EVC2: variants seen among roughly 807,000 people sequenced by gnomAD.
EVC2 encodes the protein limbin.
EVC2 carries 148 observed loss-of-function variants against 149.3 expected under a neutral mutation model. The ratio of observed to expected loss-of-function variants is 0.99; its 90% confidence interval spans 0.87 to 1.14. The LOEUF (loss-of-function observed/expected upper bound fraction) is 1.14, where lower values mean the gene tolerates loss of function less well. Among genes scored for constraint, EVC2 ranks in the 50% most tolerant of loss-of-function variants. The pLI is 0.00. For synonymous variants in EVC2, 776 were observed against 649.9 expected (o/e 1.19, Z -2.95); for missense variants, 1,854 against 1,627.3 (o/e 1.14, Z -2.40).
rs1720709570 is a variant in EVC2 at position 5,686,325 on chromosome 4, T to C, written c.707-846A>G. Reference sequence around the variant, plus strand: ...CTCCTGCCTCAGCCTCCTGAGTAGCTGGGACTTTAGGTGTGGACCATGCTC... The same window carrying C: ...CTCCTGCCTCAGCCTCCTGAGTAGCCGGGACTTTAGGTGTGGACCATGCTC... On this transcript the variant is annotated intron_variant, in intron 5 of 21. Transcript: ENST00000344408. This position sits in a 1 kb window ranked among gnomAD's most constrained non-coding sequence, Gnocchi z 5.4. Among the ~76,000 whole-genome samples the C allele has an allele frequency of 6.6e-6, 1 of 152,182 alleles. No homozygotes were observed. The highest frequency in any genetic ancestry group is 2.4e-5 in the African/African-American group (1 of 41,454).
intron 5 of EVC2, among the ~76,000 whole-genome samples, chr4:5,687,769 G>C (rs1176837369): frequency 6.6e-6 from 1 of 152,162 alleles, no homozygotes; most frequent in African/African-American, 2.4e-5. Context: ...GACCATGAAA[G>C]GTCTGCGGGG....
Position 5,618,424 on chromosome 4 carries a change from G to A in EVC2, c.2706+54C>T. ...GAAGAGGCCAGACCCTGTAGGGCCA[G>A]CAGCTGGGAGACGGCCCTGCTTCTG... On this transcript the variant is annotated intron_variant, in intron 15 of 21. Coordinates refer to ENST00000344408, the MANE Select transcript of EVC2 (RefSeq NM_147127.5). The surrounding 1 kb of genome is among the most constrained non-coding windows in gnomAD (Gnocchi z 4.4). 6.2e-7 allele frequency: 1 copy of A among 1,603,132 alleles called. No homozygotes were observed. Among genetic ancestry groups the A allele is most frequent in the Non-Finnish European group, 8.5e-7 (1 of 1,172,492 alleles).
chr4:5,667,162 C>G (rs1181083085), intron 7 of EVC2, among the ~76,000 whole-genome samples: 2 of 151,920 alleles, frequency 1.3e-5, no homozygotes, highest in African/African-American at 2.4e-5. Context: ...CAAAGAAATA[C>G]ACACAGTATA....
At chr4:5,597,341 C>T (rs534104478) in intron 16 of EVC2, among the ~76,000 whole-genome samples, 1 of 152,336 alleles carries the variant, frequency 6.6e-6, no homozygotes, top group South Asian at 2.1e-4. Flanking sequence ...AAACCAAAGC[C>T]AGCAGCACAT....
At chr4:5,549,003 TC>T (rs1721680745) in intron 21 of EVC2, among the ~76,000 whole-genome samples, 1 of 132,726 alleles carries the variant, frequency 7.5e-6, no homozygotes, top group African/African-American at 2.8e-5. Flanking sequence ...CCTCCCTCCC[TC>T]CCTCCCTGAA....
chr4:5,708,735 C>G (rs1213188145), upstream of EVC2: 3 of 443,540 alleles, frequency 6.8e-6, no homozygotes, highest in African/African-American at 4.1e-5. Flanking sequence ...GCGGCCAGGC[C>G]TGGGTTTGCT....
chr4:5,604,952 T>G (rs577480056), intron 16 of EVC2, among the ~76,000 whole-genome samples: 59 of 151,794 alleles, frequency 3.9e-4, no homozygotes, highest in African/African-American at 1.4e-3. Context: ...TTCCTCTTAC[T>G]CCTCCTCCTC....
chr4:5,549,816 C>G (rs538496233), intron 21 of EVC2, among the ~76,000 whole-genome samples: 23 of 152,164 alleles, frequency 1.5e-4, no homozygotes, highest in Non-Finnish European at 3.1e-4. Flanking sequence ...CTGTATCCCC[C>G]CAAATCTAAT....
chr4:5,546,094 G>A (rs1397002824), intron 21 of EVC2, among the ~76,000 whole-genome samples: 2 of 152,156 alleles, frequency 1.3e-5, no homozygotes, highest in Non-Finnish European at 2.9e-5. Flanking sequence ...GGAGAAACAG[G>A]AACACTTTTA....
At position 5,663,172 on chromosome 4, in the gene EVC2, A is replaced by C; in HGVS notation, c.1080T>G (p.Leu360=). 1.2e-6 allele frequency: 2 copies of C among 1,614,178 alleles called. No homozygotes were observed. The highest frequency in any genetic ancestry group is 1.7e-6 in the Non-Finnish European group (2 of 1,180,032). Residue 360 remains leucine (L), a synonymous_variant, in exon 9 of 22, where the codon CTT becomes CTG. Transcript: ENST00000344408. ...ACAGAATGTCTATCATTTGGTCGTTAAGGGAAAGGTCCTCATTCACGCCAT... is the reference window on the plus strand; with the variant it reads ...ACAGAATGTCTATCATTTGGTCGTTCAGGGAAAGGTCCTCATTCACGCCAT... ...SADGVNEDLS[L]NDQMIDILSS...
rs141184788 is a variant in EVC2 at position 5,643,016 on chromosome 4, A to G, written c.1146-2178T>C. Among the ~76,000 whole-genome samples, 3 of 152,356 alleles carry G rather than the reference A, an allele frequency of 2.0e-5. No individual in the cohort carries two copies. In the East Asian group the frequency reaches 5.8e-4, roughly 29 times the overall value. On this transcript the variant is annotated intron_variant, in intron 9 of 21. Transcript: ENST00000344408. ...TACGCAGACAGACCGATCAACAGAC[A>G]GACAGATGTGTGTATGTCTATCTAA... is the stretch of plus-strand genomic sequence containing the variant.
intron 9 of EVC2, among the ~76,000 whole-genome samples, chr4:5,649,975 C>A (rs368145047): frequency 1.3e-5 from 2 of 152,142 alleles, no homozygotes; most frequent in East Asian, 3.9e-4. Flanking sequence ...CCTACATGAG[C>A]AAAACACCAA....
chr4:5,623,574 A>C (rs896546985), intron 13 of EVC2, among the ~76,000 whole-genome samples: 1 of 152,078 alleles, frequency 6.6e-6, no homozygotes. Context: ...TCCTGACCTC[A>C]AGTGATCTAC....
chr4:5,684,799 G>A (rs7669614), intron 6 of EVC2, among the ~76,000 whole-genome samples: 4,923 of 152,200 alleles, frequency 0.032, 262 homozygotes, highest in African/African-American at 0.11. Flanking sequence ...GTAAAGTGAG[G>A]TTGCTAGGCT....
chr4:5,592,982 G>C (rs565055612), intron 16 of EVC2, among the ~76,000 whole-genome samples: 2 of 152,284 alleles, frequency 1.3e-5, no homozygotes, highest in South Asian at 4.1e-4. Context: ...GTTCTCCTGA[G>C]AGTGAGTTCT....
In EVC2 at chr4:5,614,632, CA is replaced by C. The variant is rs1350157171; in HGVS notation, c.2829+789del. On this transcript the variant is annotated intron_variant, in intron 16 of 21. Coordinates refer to ENST00000344408, the MANE Select transcript of EVC2 (RefSeq NM_147127.5). This position sits in a 1 kb window ranked among gnomAD's most constrained non-coding sequence, Gnocchi z 4.7. ...GTAATTCCACAAAGACAGAAGAATACAGATTAAAGCATCCTAGGAGACTGTG... is the reference window on the plus strand; with the variant it reads ...GTAATTCCACAAAGACAGAAGAATACGATTAAAGCATCCTAGGAGACTGTG... Among the ~76,000 whole-genome samples, 1 of 152,108 alleles carries C rather than the reference CA, an allele frequency of 6.6e-6. No homozygotes were observed. The highest frequency in any genetic ancestry group is 1.5e-5 in the Non-Finnish European group (1 of 68,026).
At chr4:5,611,294 T>G (rs1018880099) in intron 16 of EVC2, among the ~76,000 whole-genome samples, 2 of 152,190 alleles carry the variant, frequency 1.3e-5, no homozygotes, top group African/African-American at 4.8e-5. Flanking sequence ...GATGCCATTC[T>G]TGCAGCAATG....
intron 21 of EVC2, among the ~76,000 whole-genome samples, chr4:5,545,922 G>A (rs193228895): frequency 6.6e-6 from 1 of 152,216 alleles, no homozygotes; most frequent in African/African-American, 2.4e-5. Context: ...CTCTTAAAAG[G>A]GAAAAGAAGA....
chr4:5,685,342 A>C (rs1720624690), intron 6 of EVC2, 28 bp downstream of exon 6: 1 of 1,603,698 alleles, frequency 6.2e-7, no homozygotes, highest in Admixed American at 1.7e-5. Context: ...CAGTGGCAAG[A>C]CAGAGATTAA....
Sources: gnomAD v4.1 joint callset for allele counts (sites outside exome capture counted in the v4.1 genomes callset) on GRCh38, gnomAD v4.1.1 for gene constraint, Gnocchi (gnomAD v3.1) non-coding constraint, MANE v1.5 for transcripts, NCBI Gene and HGNC (gene_info 2026-07-23, HGNC 2026-07-21) for gene names.